WSCD2: variants seen among roughly 807,000 people sequenced by gnomAD.
The protein encoded by WSCD2 is WSC domain sialate O sulfotransferase 2, also known as sialate:O-sulfotransferase 2.
In WSCD2, 28 loss-of-function variants were observed where a neutral mutation model predicts 55.7. The observed-to-expected ratio is 0.50, with a 90% CI of 0.37 to 0.69. The LOEUF (loss-of-function observed/expected upper bound fraction) is 0.69. Ranked by LOEUF, WSCD2 falls within the 30% of genes least tolerant of loss-of-function variation. The probability of loss-of-function intolerance (pLI) is 0.00; values close to 1 mark genes in which losing one functional copy is unlikely to be tolerated. For synonymous variants in WSCD2, 301 were observed against 301.9 expected, an observed-to-expected ratio of 1.00 and a Z score of 0.03; for missense variants, 616 against 762.1, an observed-to-expected ratio of 0.81 and a Z score of 2.26.
intron 1 of WSCD2, among the ~76,000 whole-genome samples, chr12:108,190,688 C>CT (rs1170774473): frequency 6.6e-6 from 1 of 152,174 alleles, no homozygotes; most frequent in Admixed American, 6.5e-5. Flanking sequence ...TGTTTAGACA[C>CT]TTTGAGGCTC....
At chr12:108,141,221 G>C (rs1467194919) in intron 1 of WSCD2, among the ~76,000 whole-genome samples, 1 of 152,062 alleles carries the variant, frequency 6.6e-6, no homozygotes, top group Non-Finnish European at 1.5e-5. Flanking sequence ...CACCCAGCTA[G>C]TTTTTAAAAA....
Position 108,219,199 on chromosome 12 carries a change from T to C in WSCD2, c.683-5540T>C, listed in dbSNP as rs115308642. Among the ~76,000 whole-genome samples the C allele has an allele frequency of 9.9e-3, 1,509 of 152,284 alleles. 19 individuals carry two copies. Among genetic ancestry groups the C allele is most frequent in the African/African-American group, 0.032 (1,329 of 41,552 alleles). ...CACCTTATGGTAAGACTTGCCCTCC[T>C]AGAGGTTGATTTGATGCACAACCAC... On this transcript the variant is annotated intron_variant, in intron 4 of 8. Coordinates refer to ENST00000547525, the MANE Select transcript of WSCD2 (RefSeq NM_014653.4).
At chr12:108,169,628 C>T (rs935971300) in intron 1 of WSCD2, among the ~76,000 whole-genome samples, 1 of 152,154 alleles carries the variant, frequency 6.6e-6, no homozygotes, top group Non-Finnish European at 1.5e-5. Context: ...AGGAAGACCC[C>T]TCTGACATGC....
At chr12:108,242,621 A>G (rs1444298201) in intron 8 of WSCD2, among the ~76,000 whole-genome samples, 1 of 152,036 alleles carries the variant, frequency 6.6e-6, no homozygotes, top group South Asian at 2.1e-4. Context: ...TTTTTTTTCA[A>G]CTTTTATTTT....
rs548141941 is a variant in WSCD2 at position 108,224,044 on chromosome 12, A to G, written c.683-695A>G. Among the ~76,000 whole-genome samples the G allele has an allele frequency of 2.6e-5, 4 of 152,268 alleles. No homozygotes were observed. The South Asian group carries it at 8.3e-4, about 32-fold the overall frequency. ...CTCAGGCTCTGCTTCAGTAGCCCCA[A>G]CCTAAGACAACATCTCTGAATATTT... On this transcript the variant is annotated intron_variant, in intron 4 of 8. Coordinates refer to ENST00000547525, the MANE Select transcript of WSCD2 (RefSeq NM_014653.4).
intron 1 of WSCD2, among the ~76,000 whole-genome samples, chr12:108,175,822 A>G (rs139900784): frequency 6.6e-6 from 1 of 152,128 alleles, no homozygotes; most frequent in East Asian, 1.9e-4. Flanking sequence ...TTAATGTTAC[A>G]TGGCATTTTT....
intron 1 of WSCD2, among the ~76,000 whole-genome samples, chr12:108,132,330 G>T (rs1875647905): frequency 6.6e-6 from 1 of 152,156 alleles, no homozygotes; most frequent in African/African-American, 2.4e-5. Context: ...GTAGAGTAAG[G>T]TGTGTGTGTG....
Position 108,248,618 on chromosome 12 carries a change from G to T in WSCD2, c.*275G>T. ...TTACATGGACTCTTTTCTGTCTCCT[G>T]GGTCCCTGCCCCCACCACTCTGGGT... On this transcript the variant is annotated 3_prime_UTR_variant, in exon 9 of 9. Transcript: ENST00000547525. The surrounding 1 kb of genome is among the most constrained non-coding windows in gnomAD (Gnocchi z 4.3). The T allele has an allele frequency of 8.3e-7, 1 of 1,205,240 alleles. No individual in the cohort carries two copies. The highest frequency in any genetic ancestry group is 1.0e-6 in the Non-Finnish European group (1 of 963,972). 74.7% of individuals were successfully genotyped at this position (1,205,240 alleles called of 1,614,324 possible). A position where few individuals can be genotyped will look rare whatever the true frequency, so the allele number is the denominator to read the frequency against.
At chr12:108,232,509 C>T (rs1325221726) in intron 6 of WSCD2, among the ~76,000 whole-genome samples, 1 of 152,112 alleles carries the variant, frequency 6.6e-6, no homozygotes, top group Non-Finnish European at 1.5e-5. Context: ...ATCATTATCC[C>T]ATTTAACACT....
chr12:108,164,462 C>T (rs1014813451), intron 1 of WSCD2, among the ~76,000 whole-genome samples: 1 of 152,000 alleles, frequency 6.6e-6, no homozygotes, highest in Admixed American at 6.6e-5. Flanking sequence ...GATTTATTCA[C>T]GATGTCACAT....
chr12:108,190,813 C>T (rs1330486497), intron 1 of WSCD2, among the ~76,000 whole-genome samples: 1 of 152,140 alleles, frequency 6.6e-6, no homozygotes, highest in South Asian at 2.1e-4. Context: ...GAGTAGAGGT[C>T]GTCCACCACA....
intron 1 of WSCD2, among the ~76,000 whole-genome samples, chr12:108,186,118 GC>G (rs1456083194): frequency 3.3e-5 from 5 of 152,138 alleles, no homozygotes; most frequent in Admixed American, 2.0e-4. Context: ...CTTCCCCAGA[GC>G]CCACAGTTTG....
At chr12:108,214,586 C>T (rs930613767) in intron 4 of WSCD2, among the ~76,000 whole-genome samples, 7 of 152,148 alleles carry the variant, frequency 4.6e-5, no homozygotes, top group Non-Finnish European at 7.4e-5. Context: ...TATGGCTTTA[C>T]GCGATGTTGC....
chr12:108,200,396 A>G (rs1884509932), intron 2 of WSCD2, among the ~76,000 whole-genome samples: 2 of 152,262 alleles, frequency 1.3e-5, no homozygotes, highest in East Asian at 3.8e-4. Flanking sequence ...CGATTTGATC[A>G]GAGTCCAAAG....
chr12:108,211,630 CATATATAT>C (rs56944563), intron 4 of WSCD2, among the ~76,000 whole-genome samples: 1 of 138,552 alleles, frequency 7.2e-6, no homozygotes, highest in Admixed American at 7.3e-5. Context: ...TTTCAAATCC[CATATATAT>C]ATATATATAT....
intron 1 of WSCD2, among the ~76,000 whole-genome samples, chr12:108,144,643 T>C (rs1403724687): frequency 6.6e-6 from 1 of 152,124 alleles, no homozygotes; most frequent in Non-Finnish European, 1.5e-5. Context: ...GCTCCTGCCT[T>C]CTAGGTGTCA....
intron 4 of WSCD2, among the ~76,000 whole-genome samples, chr12:108,214,821 A>G (rs1178460761): frequency 6.6e-6 from 1 of 152,238 alleles, no homozygotes; most frequent in East Asian, 1.9e-4. Context: ...TATCACTGAA[A>G]AAATAGATAC....
intron 1 of WSCD2, among the ~76,000 whole-genome samples, chr12:108,136,881 C>G (rs578179779): frequency 5.3e-5 from 8 of 152,332 alleles, no homozygotes; most frequent in African/African-American, 1.4e-4. Flanking sequence ...TCCATCCCCA[C>G]AGGCCTGAGG....
rs1384634954 is a variant in WSCD2, at chr12:108,143,661, T to G, written c.-552+13735T>G. On this transcript the variant is annotated intron_variant, in intron 1 of 8. Transcript: ENST00000547525. Reference sequence around the variant, plus strand: ...ACAATTGTGATTATTCTCAGCATGGTGATAATATAGGCCAGACAGGGGCCC... The same window carrying G: ...ACAATTGTGATTATTCTCAGCATGGGGATAATATAGGCCAGACAGGGGCCC... Among the ~76,000 whole-genome samples, 4 of 152,064 alleles carry G rather than the reference T, an allele frequency of 2.6e-5. No individual in the cohort carries two copies. In the East Asian group the frequency reaches 5.8e-4, roughly 22 times the overall value.
Sources: gnomAD v4.1 joint callset for allele counts (sites outside exome capture counted in the v4.1 genomes callset) on GRCh38, gnomAD v4.1.1 for gene constraint, Gnocchi (gnomAD v3.1) non-coding constraint, MANE v1.5 for transcripts, NCBI Gene and HGNC (gene_info 2026-07-23, HGNC 2026-07-21) for gene names.